Variants in HADHB observed in about 807,000 individuals in gnomAD.
The protein encoded by HADHB is hydroxyacyl-CoA dehydrogenase trifunctional multienzyme complex subunit beta, also known as trifunctional enzyme subunit beta, mitochondrial.
In HADHB, 50 loss-of-function variants were observed where a neutral mutation model predicts 61.9. The ratio of observed to expected loss-of-function variants is 0.81; its 90% CI spans 0.64 to 1.02. The LOEUF (loss-of-function observed/expected upper bound fraction) is 1.02. HADHB is among the 50% of genes least tolerant of loss of function. The pLI is 0.00. For missense variants in HADHB, 504 were observed against 586.5 expected, an observed-to-expected ratio of 0.86 and a Z score of 1.45; for synonymous variants, 191 against 201.6, an observed-to-expected ratio of 0.95 and a Z score of 0.45.
chr2:26,272,517 T>C (rs927724871), intron 5 of HADHB, among the ~76,000 whole-genome samples: 18 of 151,940 alleles, frequency 1.2e-4, no homozygotes, highest in Non-Finnish European at 1.9e-4. Context: ...GGCTAATTTT[T>C]TTTGTATTTT....
chr2:26,261,370 ACT>A, intron 3 of HADHB: 1 of 250,760 alleles, frequency 4.0e-6, no homozygotes, highest in Non-Finnish European at 7.7e-6. Flanking sequence ...ATATTTCATG[ACT>A]TTCTAATCTA....
intron 5 of HADHB, among the ~76,000 whole-genome samples, 167 bp downstream of exon 5, chr2:26,270,164 G>T (rs917197868): frequency 5.3e-5 from 8 of 152,102 alleles, no homozygotes; most frequent in African/African-American, 1.9e-4. Flanking sequence ...CAGTGTCTTA[G>T]CCTGACAGTA....
At chr2:26,288,065 G>A (rs115172269) in intron 15 of HADHB, among the ~76,000 whole-genome samples, 1,928 of 152,158 alleles carry the variant, frequency 0.013, 42 homozygotes, top group African/African-American at 0.042. Context: ...GCAGGAATTC[G>A]AGACTAGCCT....
At chr2:26,277,232 A>AT (rs1672566151) in intron 7 of HADHB, 72 bp downstream of exon 7, 11 of 515,476 alleles carry the variant, frequency 2.1e-5, no homozygotes, top group Admixed American at 1.6e-4. Context: ...ATAAAAATGT[A>AT]CTTTTTTTTT....
intron 15 of HADHB, among the ~76,000 whole-genome samples, chr2:26,288,016 C>G (rs1383205724): frequency 6.6e-6 from 1 of 152,122 alleles, no homozygotes; most frequent in African/African-American, 2.4e-5. Context: ...CCTGTGATCG[C>G]AGCATTTTGG....
Position 26,278,288 on chromosome 2 carries a change from C to CT in HADHB, c.443-323dup, listed in dbSNP as rs376250924. ...ACATTCTCTTTATAGGATAAAAAAT[C>CT]TTTATTAAAACTAAAGCTGGGAGCA... On this transcript the variant is annotated intron_variant, in intron 7 of 15. Coordinates refer to ENST00000317799, the MANE Select transcript of HADHB (RefSeq NM_000183.3). Among the ~76,000 whole-genome samples the CT allele has an allele frequency of 2.2e-3, 341 of 152,312 alleles. 3 individuals are homozygous for CT. The highest frequency in any genetic ancestry group is 7.0e-3 in the African/African-American group (290 of 41,576).
intron 10 of HADHB, 75 bp downstream of exon 10, chr2:26,280,190 CTT>C (rs1432667436): frequency 8.3e-7 from 1 of 1,207,644 alleles, no homozygotes; most frequent in Admixed American, 1.7e-5. Context: ...CCTAATATAA[CTT>C]TTTGTGTGTG....
At chr2:26,289,030 C>G (rs1673156057) in intron 15 of HADHB, among the ~76,000 whole-genome samples, 1 of 152,006 alleles carries the variant, frequency 6.6e-6, no homozygotes, top group Non-Finnish European at 1.5e-5. Context: ...GCAGGCAGAT[C>G]ACGAGGTCAG....
At chr2:26,271,975 A>G (rs535434276) in intron 5 of HADHB, among the ~76,000 whole-genome samples, 39 of 152,284 alleles carry the variant, frequency 2.6e-4, no homozygotes, top group Middle Eastern at 6.8e-3. Flanking sequence ...GCTGGAGTGC[A>G]GTTGCTTGAT....
chr2:26,246,268 GAC>G (rs1671152836), intron 1 of HADHB, among the ~76,000 whole-genome samples: 1 of 152,080 alleles, frequency 6.6e-6, no homozygotes, highest in Admixed American at 6.6e-5. Context: ...TAAAGGTCCA[GAC>G]AGTAAATAGT....
chr2:26,253,857 A>AAAAAAAAT (rs1553318178), intron 1 of HADHB, among the ~76,000 whole-genome samples: 68 of 125,634 alleles, frequency 5.4e-4, no homozygotes, highest in South Asian at 3.5e-3. Flanking sequence ...CCATCTCAAA[A>AAAAAAAAT]AAATAAATAA....
intron 6 of HADHB, 102 bp from the exon 7 acceptor site, chr2:26,276,971 C>T: frequency 1.3e-6 from 1 of 747,736 alleles, no homozygotes; most frequent in Non-Finnish European, 2.5e-6. Flanking sequence ...GAATGTTAAA[C>T]TGAAACCGTT....
At position 26,282,850 on chromosome 2, in the gene HADHB, T is replaced by C; in HGVS notation, c.939T>C (p.Asp313=). ...TGTGCTGGTTAACATTTCAGACTGATGGTGCATCTGCAATGTTAATCATGG... is the reference window on the plus strand; with the variant it reads ...TGTGCTGGTTAACATTTCAGACTGACGGTGCATCTGCAATGTTAATCATGG... ...VTAANSSFLT[D]GASAMLIMAE... Residue 313 remains aspartate (D), a synonymous_variant, in exon 11 of 16, where the codon GAT becomes GAC. Transcript: ENST00000317799. 1 of 1,608,866 alleles carries C rather than the reference T, an allele frequency of 6.2e-7. No homozygotes were observed. The highest frequency in any genetic ancestry group is 1.3e-5 in the African/African-American group (1 of 74,980).
intron 4 of HADHB, among the ~76,000 whole-genome samples, chr2:26,264,637 A>G (rs1005840735): frequency 1.9e-4 from 28 of 147,088 alleles, no homozygotes; most frequent in East Asian, 7.9e-4. Flanking sequence ...GTGTGTGTGT[A>G]TGTGTGTATA....
At chr2:26,249,850 T>C (rs62130460) in intron 1 of HADHB, among the ~76,000 whole-genome samples, 22,826 of 151,886 alleles carry the variant, frequency 0.15, 2,126 homozygotes, top group Middle Eastern at 0.21. Context: ...CCTGAATCAA[T>C]GATCTTGGCA....
chr2:26,273,812 T>G (rs765581463), intron 6 of HADHB, 62 bp downstream of exon 6: 12 of 862,446 alleles, frequency 1.4e-5, no homozygotes, highest in Non-Finnish European at 2.4e-5. Context: ...GAATTTCAAT[T>G]AATAGAAGTT....
intron 13 of HADHB, among the ~76,000 whole-genome samples, chr2:26,284,590 G>A (rs1036207625): frequency 6.6e-6 from 1 of 151,734 alleles, no homozygotes; most frequent in Non-Finnish European, 1.5e-5. Flanking sequence ...AGCCTCCCGA[G>A]TAGCTGGGAC....
chr2:26,249,538 AT>A (rs1232229992), intron 1 of HADHB, among the ~76,000 whole-genome samples: 1 of 151,874 alleles, frequency 6.6e-6, no homozygotes, highest in Non-Finnish European at 1.5e-5. Context: ...AATAAAGGAG[AT>A]TTATTGGCTC....
At chr2:26,246,873 C>T (rs1671186102) in intron 1 of HADHB, among the ~76,000 whole-genome samples, 1 of 152,182 alleles carries the variant, frequency 6.6e-6, no homozygotes, top group African/African-American at 2.4e-5. Flanking sequence ...ACCATCTCTA[C>T]TGGTAATAGC....
Sources: gnomAD v4.1 joint callset for allele counts (sites outside exome capture counted in the v4.1 genomes callset) on GRCh38, gnomAD v4.1.1 for gene constraint, MANE v1.5 for transcripts, NCBI Gene and HGNC (gene_info 2026-07-23, HGNC 2026-07-21) for gene names.